COL16A1: variants seen among roughly 807,000 people sequenced by gnomAD.
COL16A1 encodes the protein collagen type XVI alpha 1 chain.
In COL16A1, 189 loss-of-function variants were observed where a neutral mutation model predicts 266.3. The ratio of observed to expected loss-of-function variants is 0.71; its 90% CI spans 0.63 to 0.80. The LOEUF (loss-of-function observed/expected upper bound fraction) is 0.80. COL16A1 is among the 30% of genes least tolerant of loss of function. COL16A1 has a pLI of 0.00. For missense variants in COL16A1, 1,928 were observed against 2,122.4 expected, an observed-to-expected ratio of 0.91 and a Z score of 1.80; for synonymous variants, 740 against 782.3, an observed-to-expected ratio of 0.95 and a Z score of 0.90.
At chr1:31,667,947 T>G (rs1642284334) in intron 51 of COL16A1, among the ~76,000 whole-genome samples, 1 of 152,206 alleles carries the variant, frequency 6.6e-6, no homozygotes, top group South Asian at 2.1e-4. Flanking sequence ...CAGAGTGCTC[T>G]GAGAGTCAGG....
chr1:31,661,375 G>A (rs1475676458), intron 60 of COL16A1, 39 bp downstream of exon 60: 3 of 1,613,808 alleles, frequency 1.9e-6, no homozygotes, highest in Non-Finnish European at 2.5e-6. Context: ...CTTCAGGAGA[G>A]CAGAGATAAC....
At position 31,656,366 on chromosome 1, in the gene COL16A1, C is replaced by CT. The variant is rs749222933; in HGVS notation, c.4101+33dup. Reference sequence around the variant, plus strand: ...CAGCTGGGCTTCATCCACTCGTGAGCTTCTCCTCTCAAGCCCAGCCAGTGC... The same window carrying CT: ...CAGCTGGGCTTCATCCACTCGTGAGCTTTCTCCTCTCAAGCCCAGCCAGTGC... On this transcript the variant is annotated intron_variant, in intron 66 of 70. Coordinates refer to ENST00000373672, the MANE Select transcript of COL16A1 (RefSeq NM_001856.4). This position sits in a 1 kb window ranked among gnomAD's most constrained non-coding sequence, Gnocchi z 4.2. 39 of 1,611,968 alleles carry CT rather than the reference C, an allele frequency of 2.4e-5. No homozygotes were observed. The highest frequency in any genetic ancestry group is 3.2e-5 in the Non-Finnish European group (38 of 1,179,304).
rs373463698 is a variant in COL16A1 at position 31,693,145 on chromosome 1, C to G, written c.1018G>C (p.Gly340Arg). The change falls in exon 13 of 71, where the codon GGT becomes CGT. Residue 340 changes from glycine to arginine, a missense_variant. By Grantham distance (125) the Gly-to-Arg change is moderately radical. Around this residue, in one of 2 missense-constraint regions of COL16A1, gnomAD observed 1,552 missense variants for 1,637.2 expected, o/e 0.95. Coordinates refer to ENST00000373672, the MANE Select transcript of COL16A1 (RefSeq NM_001856.4). ...LAPSGPKGGK[G>R]ERGLPGPPGS... ...GGTGGACCAGGCAGGCCCCGCTCACCTTTCCCTCCCTGAGAGTGAAACCAG... is the reference window on the plus strand; with the variant it reads ...GGTGGACCAGGCAGGCCCCGCTCACGTTTCCCTCCCTGAGAGTGAAACCAG... 2 of 1,609,072 alleles carry G rather than the reference C, an allele frequency of 1.2e-6. No homozygotes were observed. The highest frequency in any genetic ancestry group is 8.5e-7 in the Non-Finnish European group (1 of 1,175,726).
At chr1:31,690,130 T>C (rs1465565482) in intron 22 of COL16A1, among the ~76,000 whole-genome samples, 1 of 152,200 alleles carries the variant, frequency 6.6e-6, no homozygotes, top group Non-Finnish European at 1.5e-5. Context: ...AGAGAGAAGC[T>C]AATTGATCTG....
At position 31,692,010 on chromosome 1, in the gene COL16A1, G is replaced by A. The variant is rs767885007; in HGVS notation, c.1252C>T (p.Arg418Trp). The A allele has an allele frequency of 1.7e-5, 27 of 1,613,698 alleles. No individual in the cohort carries two copies. The highest frequency in any genetic ancestry group is 6.7e-5 in the East Asian group (3 of 44,892). The change falls in exon 17 of 71, where the codon CGG becomes TGG. Residue 418 changes from arginine (R) to tryptophan (W), a missense_variant. Arg to Trp is a moderately radical substitution (Grantham distance 101). Around this residue, in one of 2 missense-constraint regions of COL16A1, gnomAD observed 1,552 missense variants for 1,637.2 expected, o/e 0.95. Coordinates refer to ENST00000373672, the MANE Select transcript of COL16A1 (RefSeq NM_001856.4). ...GIKGVPGKPG[R>W]DGRPGEICVI... ...GAAGGGTCCCAGGCACCTACGTCCC[G>A]GCCTGGCTTTCCCGGCACGCCCTTG... is the stretch of plus-strand genomic sequence containing the variant.
chr1:31,684,518 C>T lies in COL16A1; in HGVS notation c.2160+5G>A, dbSNP rs1255152284. ...CCCCGACCCCAACCACCCCGCCTGA[C>T]TAACCTTTTCTCCTTTTGGCCCCGC... On this transcript the variant is annotated splice_donor_5th_base_variant and intron_variant, in intron 31 of 70. Coordinates refer to ENST00000373672, the MANE Select transcript of COL16A1 (RefSeq NM_001856.4). 6.2e-7 allele frequency: 1 copy of T among 1,610,784 alleles called. No individual in the cohort carries two copies. Among genetic ancestry groups the T allele is most frequent in the Admixed American group, 1.7e-5 (1 of 59,678 alleles).
In COL16A1 at chr1:31,658,977, G is replaced by T. The variant is rs1361452640; in HGVS notation, c.3880-13C>A. On this transcript the variant is annotated splice_polypyrimidine_tract_variant and intron_variant, in intron 62 of 70. Coordinates refer to ENST00000373672, the MANE Select transcript of COL16A1 (RefSeq NM_001856.4). The stretch of plus-strand genomic sequence containing the variant: ...GCCCTGGTGGCCCCTAAAGAGAGAT[G>T]AGTCAGTGGGATAGAAACAGGTTCT... 1.3e-6 allele frequency: 2 copies of T among 1,552,696 alleles called. No individual in the cohort carries two copies. Among genetic ancestry groups the T allele is most frequent in the Admixed American group, 2.0e-5 (1 of 51,204 alleles).
At chr1:31,692,882 G>T in intron 13 of COL16A1, 74 bp from the exon 14 acceptor site, 1 of 1,432,346 alleles carries the variant, frequency 7.0e-7, no homozygotes, top group Non-Finnish European at 9.8e-7. Flanking sequence ...GAGGAGGATC[G>T]GCCCGGGAAC....
In COL16A1 at chr1:31,668,760, T is replaced by TCCCTTTCCAG; in HGVS notation, c.3249+32_3249+41dup. The TCCCTTTCCAG allele has an allele frequency of 6.2e-7, 1 of 1,611,590 alleles. No individual in the cohort carries two copies. The highest frequency in any genetic ancestry group is 1.1e-5 in the South Asian group (1 of 91,022). On this transcript the variant is annotated intron_variant, in intron 50 of 70. Coordinates refer to ENST00000373672, the MANE Select transcript of COL16A1 (RefSeq NM_001856.4). This position sits in a 1 kb window ranked among gnomAD's most constrained non-coding sequence, Gnocchi z 5.8. ...CAAGCTCTGCCTCCCCAGCTCTTCC[T>TCCCTTTCCAG]CCCTTTCCAGCCCTTTCCAGCCCCT...
intron 44 of COL16A1, 153 bp from the exon 45 acceptor site, chr1:31,672,993 G>A (rs539568693): frequency 4.4e-5 from 34 of 764,448 alleles, no homozygotes; most frequent in South Asian, 1.6e-4. Flanking sequence ...GCATCCCTGC[G>A]GCAGCTTTGC....
rs1341539238 is a variant in COL16A1 at position 31,690,512 on chromosome 1, G to A, written c.1482+17C>T. On this transcript the variant is annotated intron_variant, in intron 21 of 70. Coordinates refer to ENST00000373672, the MANE Select transcript of COL16A1 (RefSeq NM_001856.4). ...TTGGAAGAGCCGACCCTCCCCCGCT[G>A]GATTGGTGTCACTCACAGGTTTCCC... 2.5e-6 allele frequency: 4 copies of A among 1,614,012 alleles called. No homozygotes were observed. The highest frequency in any genetic ancestry group is 3.4e-6 in the Non-Finnish European group (4 of 1,179,912).
At position 31,691,272 on chromosome 1, in the gene COL16A1, G is replaced by A. The variant is rs371914935; in HGVS notation, c.1399-46C>T. ...ACGTGGAAGTTTCCAGGGACCACTC[G>A]CTACAGCGAGATCTTCTACCCTCAC... On this transcript the variant is annotated intron_variant, in intron 19 of 70. Transcript: ENST00000373672. 395 of 1,608,546 alleles carry A rather than the reference G, an allele frequency of 2.5e-4. No individual in the cohort carries two copies. Among genetic ancestry groups the A allele is most frequent in the East Asian group, 3.8e-4 (17 of 44,876 alleles).
chr1:31,693,130 G>T lies in COL16A1; in HGVS notation c.1033C>A (p.Pro345Thr), dbSNP rs759648542. ...PKGGKGERGL[P>T]GPPGSKGEKG... ...TCTCCCTTGGAGCCTGGTGGACCAG[G>T]CAGGCCCCGCTCACCTTTCCCTCCC... Residue 345 changes from proline (P) to threonine (T), a missense_variant, in exon 13 of 71, where the codon CCT becomes ACT. Physicochemically the swap from Pro to Thr is conservative, Grantham distance 38 (BLOSUM62 -1). Transcript: ENST00000373672. 1.2e-6 allele frequency: 2 copies of T among 1,611,538 alleles called. No individual in the cohort carries two copies. Among genetic ancestry groups the T allele is most frequent in the South Asian group, 1.1e-5 (1 of 90,964 alleles).
Position 31,699,846 on chromosome 1 carries a change from C to T in COL16A1, c.233G>A (p.Arg78His), listed in dbSNP as rs573984488. Residue 78 changes from arginine (R) to histidine (H), a missense_variant, in exon 4 of 71, where the codon CGC becomes CAC. Around this residue, in one of 2 missense-constraint regions of COL16A1, gnomAD observed 1,552 missense variants for 1,637.2 expected, o/e 0.95. Transcript: ENST00000373672. ...CTGGGTCACGGGGGCCGCCCCCAGG[C>T]GCAGGATGAGAGGCCCCTTGGGGTT... Reference protein sequence around the residue: ...IRNPKGPLILRLGAAPVTQPT... With the variant: ...IRNPKGPLILHLGAAPVTQPT... 57 of 1,613,576 alleles carry T rather than the reference C, an allele frequency of 3.5e-5. No individual in the cohort carries two copies. The highest frequency in any genetic ancestry group is 5.3e-5 in the African/African-American group (4 of 75,030).
rs1170635076 is a variant in COL16A1, at chr1:31,699,724, G to A, written c.266+89C>T. 7.0e-6 allele frequency: 6 copies of A among 851,982 alleles called. No homozygotes were observed. The Admixed American group carries it at 9.8e-5, about 14-fold the overall frequency. The allele number at this position is 851,982 out of a possible 1,614,324, so 52.8% of individuals were successfully genotyped here. A position where few individuals can be genotyped will look rare whatever the true frequency, so the allele number is the denominator to read the frequency against. On this transcript the variant is annotated intron_variant, in intron 4 of 70. Coordinates refer to ENST00000373672, the MANE Select transcript of COL16A1 (RefSeq NM_001856.4). ...CTGGGATGCAATGACCCACAGACAG[G>A]CCCCTGGGCTTAAGCCCCACATCTG...
chr1:31,700,247 A>G (rs1234149845), intron 2 of COL16A1, 132 bp from the exon 3 acceptor site: 4 of 811,308 alleles, frequency 4.9e-6, no homozygotes, highest in Non-Finnish European at 6.1e-6. Context: ...TCCTGCCTTC[A>G]CCACCTGCCT....
At position 31,688,496 on chromosome 1, in the gene COL16A1, C is replaced by A; in HGVS notation, c.1774G>T (p.Ala592Ser). Reference protein sequence around the residue: ...GFGLPGLPGRAGVPGLKGEKG... With the variant: ...GFGLPGLPGRSGVPGLKGEKG... ...TCTCCTTTCAGCCCTGGAACCCCAG[C>A]TCTACCCTGAAAAACAACCAAGACA... Residue 592 changes from alanine (A) to serine (S), a missense_variant, in exon 26 of 71, where the codon GCT (alanine) becomes TCT (serine). Ala to Ser is a moderately conservative substitution (Grantham distance 99). Coordinates refer to ENST00000373672, the MANE Select transcript of COL16A1 (RefSeq NM_001856.4). This position sits in a 1 kb window ranked among gnomAD's most constrained non-coding sequence, Gnocchi z 4.9. 1 of 1,614,118 alleles carries A rather than the reference C, an allele frequency of 6.2e-7. No homozygotes were observed. The highest frequency in any genetic ancestry group is 8.5e-7 in the Non-Finnish European group (1 of 1,180,024).
chr1:31,699,472 G>A (rs1323200741), intron 4 of COL16A1, among the ~76,000 whole-genome samples: 1 of 152,142 alleles, frequency 6.6e-6, no homozygotes, highest in African/African-American at 2.4e-5. Flanking sequence ...ACACACATGG[G>A]TGCACACACA....
chr1:31,658,853 G>T, intron 63 of COL16A1, 61 bp downstream of exon 63: 4 of 1,532,492 alleles, frequency 2.6e-6, no homozygotes, highest in Non-Finnish European at 3.5e-6. Context: ...TCTGAATGGA[G>T]CCCACAGTCA....
Sources: allele counts gnomAD v4.1 joint callset (sites outside exome capture counted in the v4.1 genomes callset), GRCh38; gene constraint gnomAD v4.1.1; regional missense constraint gnomAD v4.1.1; non-coding constraint Gnocchi (gnomAD v3.1); transcripts MANE v1.5; gene names NCBI Gene and HGNC (gene_info 2026-07-23, HGNC 2026-07-21).